Variants in SMIM1 observed in about 807,000 individuals in gnomAD.
SMIM1 encodes the protein small integral membrane protein 1.
In SMIM1, 7 loss-of-function variants were observed where a neutral mutation model predicts 7.7. The observed-to-expected ratio is 0.91, with a 90% CI of 0.52 to 1.71. The LOEUF (loss-of-function observed/expected upper bound fraction) is 1.71. SMIM1 is among the 40% of genes most tolerant of loss of function. The pLI is 0.00. For synonymous variants in SMIM1, 41 were observed against 42.7 expected (o/e 0.96, Z 0.16); for missense variants, 95 against 102.8 (o/e 0.92, Z 0.33).
In SMIM1 at chr1:3,775,029, G is replaced by A. The variant is rs1239302317; in HGVS notation, c.-75-270G>A. On this transcript the variant is annotated intron_variant, in intron 2 of 3. Transcript: ENST00000642557. This position sits in a 1 kb window ranked among gnomAD's most constrained non-coding sequence, Gnocchi z 5.3. Reference sequence around the variant, plus strand: ...GTGCAGGCTCCCTGATAAAAGCACCGGGGAAGGGAGGCTCCTGGAGTGTGC... The same window carrying A: ...GTGCAGGCTCCCTGATAAAAGCACCAGGGAAGGGAGGCTCCTGGAGTGTGC... 6.6e-6 allele frequency among the ~76,000 whole-genome samples: 1 copy of A among 152,114 alleles called. No individual in the cohort carries two copies. The highest frequency in any genetic ancestry group is 1.5e-5 in the Non-Finnish European group (1 of 68,006).
intron 2 of SMIM1, among the ~76,000 whole-genome samples, chr1:3,774,355 C>A (rs1438213052): frequency 6.6e-6 from 1 of 152,142 alleles, no homozygotes; most frequent in Non-Finnish European, 1.5e-5. Flanking sequence ...TCCACCCCCA[C>A]ACCCCCTTAG....
At chr1:3,773,760 A>T (rs934022495) in intron 2 of SMIM1, among the ~76,000 whole-genome samples, 5 of 152,096 alleles carry the variant, frequency 3.3e-5, no homozygotes, top group African/African-American at 4.8e-5. Flanking sequence ...GGTGGTATTA[A>T]GCTTGTCTTA....
At chr1:3,774,871 C>CA (rs143702418) in intron 2 of SMIM1, among the ~76,000 whole-genome samples, 1 of 93,270 alleles carries the variant, frequency 1.1e-5, no homozygotes, top group African/African-American at 4.2e-5. Flanking sequence ...CCTGCCCCAC[C>CA]CCCCCCTCCC....
Position 3,775,437 on chromosome 1 carries a change from A to G in SMIM1, c.64A>G (p.Ser22Gly). 1 of 1,511,986 alleles carries G rather than the reference A, an allele frequency of 6.6e-7. No homozygotes were observed. Among genetic ancestry groups the G allele is most frequent in the Non-Finnish European group, 9.0e-7 (1 of 1,112,602 alleles). The allele number at this position is 1,511,986 out of a possible 1,614,324, so 93.7% of individuals were successfully genotyped here. The change falls in exon 3 of 4, where the codon AGC becomes GGC. Residue 22 changes from serine (S) to glycine (G), a missense_variant. By Grantham distance (56) the Ser-to-Gly change is moderately conservative. Coordinates refer to ENST00000642557, the MANE Select transcript of SMIM1 (RefSeq NM_001288583.2). This position sits in a 1 kb window ranked among gnomAD's most constrained non-coding sequence, Gnocchi z 5.3. ...RWEDGSRDGV[S>G]LGAVSSTEEA... ...GGAGGACGGCAGCAGGGACGGAGTC[A>G]GCCTAGGGGCTGTGTCCAGCACAGA...
chr1:3,773,775 G>T (rs1435870698), intron 2 of SMIM1, among the ~76,000 whole-genome samples: 2 of 152,172 alleles, frequency 1.3e-5, no homozygotes, highest in Non-Finnish European at 2.9e-5. Context: ...GTCTTACCCG[G>T]GTCATGGCTG....
intron 2 of SMIM1, among the ~76,000 whole-genome samples, chr1:3,774,708 C>G (rs1462631405): frequency 6.6e-6 from 1 of 152,168 alleles, no homozygotes; most frequent in Non-Finnish European, 1.5e-5. Context: ...TCATGCCCCC[C>G]AAGCCCCAGC....
Position 3,775,651 on chromosome 1 carries a change from G to A in SMIM1, c.111-144G>A. The A allele has an allele frequency of 3.0e-6, 4 of 1,344,710 alleles. No homozygotes were observed. The highest frequency in any genetic ancestry group is 4.0e-6 in the Non-Finnish European group (4 of 1,009,580). The allele number at this position is 1,344,710 out of a possible 1,614,324, so 83.3% of individuals were successfully genotyped here. On this transcript the variant is annotated intron_variant, in intron 3 of 3. Transcript: ENST00000642557. This position sits in a 1 kb window ranked among gnomAD's most constrained non-coding sequence, Gnocchi z 5.3. ...CAGCCTTTGGCCTTCCCTCTGGTTG[G>A]CTGTGGGCGGGGAGAGCTTCCTCTT...
Position 3,775,743 on chromosome 1 carries a change from C to A in SMIM1, c.111-52C>A, listed in dbSNP as rs1406193133. On this transcript the variant is annotated intron_variant, in intron 3 of 3. Coordinates refer to ENST00000642557, the MANE Select transcript of SMIM1 (RefSeq NM_001288583.2). This position sits in a 1 kb window ranked among gnomAD's most constrained non-coding sequence, Gnocchi z 5.3. ...CAACGGCCACAGTCCACTTAGGGGG[C>A]CCCTCATGCGGCCCTGGCCTGGGGC... The A allele has an allele frequency of 3.3e-6, 5 of 1,527,890 alleles. No homozygotes were observed. The Admixed American group carries it at 6.1e-5, about 19-fold the overall frequency. 94.6% of individuals were successfully genotyped at this position (1,527,890 alleles called of 1,614,324 possible).
At position 3,775,384 on chromosome 1, in the gene SMIM1, A is replaced by G; in HGVS notation, c.11A>G (p.Gln4Arg). Residue 4 changes from glutamine to arginine, a missense_variant, in exon 3 of 4, where the codon CAG becomes CGG. By Grantham distance (43) the Gln-to-Arg change is conservative. Transcript: ENST00000642557. This position sits in a 1 kb window ranked among gnomAD's most constrained non-coding sequence, Gnocchi z 5.3. MQPQESHVHYSRWE... is the reference protein window; with the variant it reads MQPRESHVHYSRWE... The stretch of plus-strand genomic sequence containing the variant: ...CTGCAGCCCCACAGCATGCAGCCCC[A>G]GGAGAGCCACGTCCACTATAGTAGG... The G allele has an allele frequency of 6.5e-7, 1 of 1,549,354 alleles. No individual in the cohort carries two copies. The highest frequency in any genetic ancestry group is 8.7e-7 in the Non-Finnish European group (1 of 1,146,386).
At chr1:3,773,601 GC>G (rs1643414646) in intron 2 of SMIM1, among the ~76,000 whole-genome samples, 1 of 152,156 alleles carries the variant, frequency 6.6e-6, no homozygotes, top group Non-Finnish European at 1.5e-5. Flanking sequence ...GGGTTGCAAG[GC>G]GGCTGCTGCA....
At position 3,775,653 on chromosome 1, in the gene SMIM1, TG is replaced by T; in HGVS notation, c.111-141del. ...GCCTTTGGCCTTCCCTCTGGTTGGC[TG>T]TGGGCGGGGAGAGCTTCCTCTTGAC... On this transcript the variant is annotated intron_variant, in intron 3 of 3. Coordinates refer to ENST00000642557, the MANE Select transcript of SMIM1 (RefSeq NM_001288583.2). The surrounding 1 kb of genome is among the most constrained non-coding windows in gnomAD (Gnocchi z 5.3). The T allele has an allele frequency of 7.4e-7, 1 of 1,350,348 alleles. No individual in the cohort carries two copies. Among genetic ancestry groups the T allele is most frequent in the Non-Finnish European group, 9.9e-7 (1 of 1,014,610 alleles). The allele number at this position is 1,350,348 out of a possible 1,614,324, so 83.6% of individuals were successfully genotyped here.
rs1643445379 is a variant in SMIM1, at chr1:3,775,529, T to C, written c.110+46T>C. On this transcript the variant is annotated intron_variant, in intron 3 of 3. Coordinates refer to ENST00000642557, the MANE Select transcript of SMIM1 (RefSeq NM_001288583.2). This position sits in a 1 kb window ranked among gnomAD's most constrained non-coding sequence, Gnocchi z 5.3. ...CTGCCAGCCATAGCAGGCTGGTGTC[T>C]CCCTCCAGAGACGCCTGCCCTAACC... The C allele has an allele frequency of 1.3e-6, 2 of 1,502,480 alleles. No homozygotes were observed. Among genetic ancestry groups the C allele is most frequent in the Non-Finnish European group, 1.8e-6 (2 of 1,109,144 alleles). The allele number at this position is 1,502,480 out of a possible 1,614,324, so 93.1% of individuals were successfully genotyped here.
In SMIM1 at chr1:3,775,309, G is replaced by A. The variant is rs1643441151; in HGVS notation, c.-65G>A. Reference sequence around the variant, plus strand: ...CCGCTTGTTTTACAGTGAAGCCACAGCCTGGCCACCTGTCTTGATCTCCCC... The same window carrying A: ...CCGCTTGTTTTACAGTGAAGCCACAACCTGGCCACCTGTCTTGATCTCCCC... On this transcript the variant is annotated 5_prime_UTR_variant, in exon 3 of 4. Coordinates refer to ENST00000642557, the MANE Select transcript of SMIM1 (RefSeq NM_001288583.2). This position sits in a 1 kb window ranked among gnomAD's most constrained non-coding sequence, Gnocchi z 5.3. 2 of 1,292,762 alleles carry A rather than the reference G, an allele frequency of 1.5e-6. No individual in the cohort carries two copies. The highest frequency in any genetic ancestry group is 1.3e-5 in the South Asian group (1 of 75,396). The allele number at this position is 1,292,762 out of a possible 1,614,324, so 80.1% of individuals were successfully genotyped here.
At position 3,775,738 on chromosome 1, in the gene SMIM1, G is replaced by C. The variant is rs1011051260; in HGVS notation, c.111-57G>C. The C allele has an allele frequency of 2.0e-5, 30 of 1,525,344 alleles. No individual in the cohort carries two copies. The African/African-American group carries it at 3.8e-4, about 20-fold the overall frequency. The allele number at this position is 1,525,344 out of a possible 1,614,324, so 94.5% of individuals were successfully genotyped here. On this transcript the variant is annotated intron_variant, in intron 3 of 3. Coordinates refer to ENST00000642557, the MANE Select transcript of SMIM1 (RefSeq NM_001288583.2). The surrounding 1 kb of genome is among the most constrained non-coding windows in gnomAD (Gnocchi z 5.3). ...CAGACCAACGGCCACAGTCCACTTA[G>C]GGGGCCCCTCATGCGGCCCTGGCCT... is the stretch of plus-strand genomic sequence containing the variant.
Position 3,775,218 on chromosome 1 carries a change from C to T in SMIM1, c.-75-81C>T, listed in dbSNP as rs1477403823. On this transcript the variant is annotated intron_variant, in intron 2 of 3. Coordinates refer to ENST00000642557, the MANE Select transcript of SMIM1 (RefSeq NM_001288583.2). The surrounding 1 kb of genome is among the most constrained non-coding windows in gnomAD (Gnocchi z 5.3). The stretch of plus-strand genomic sequence containing the variant: ...GCGACAGACCCGGTGAGGGAGTCAG[C>T]CCCCGACCCTTAGTGCCCCTCTCCT... 1.2e-5 allele frequency: 7 copies of T among 568,820 alleles called. No individual in the cohort carries two copies. In the East Asian group the frequency reaches 2.1e-4, roughly 17 times the overall value. 35.2% of individuals were successfully genotyped at this position (568,820 alleles called of 1,614,324 possible). A position where few individuals can be genotyped will look rare whatever the true frequency, so the allele number is the denominator to read the frequency against.
Position 3,775,888 on chromosome 1 carries a change from C to T in SMIM1, c.204C>T (p.Tyr68=). The change falls in exon 4 of 4, where the codon TAC becomes TAT. Residue 68 remains tyrosine, a synonymous_variant. Coordinates refer to ENST00000642557, the MANE Select transcript of SMIM1 (RefSeq NM_001288583.2). This position sits in a 1 kb window ranked among gnomAD's most constrained non-coding sequence, Gnocchi z 5.3. ...TCTGGATCATCTTCATCCTGGGCTA[C>T]CTCACAGGCTACTATGTGCACAAGT... The part of the protein sequence containing the change: ...ALFWIIFILG[Y]LTGYYVHKCK The T allele has an allele frequency of 6.4e-7, 1 of 1,550,782 alleles. No individual in the cohort carries two copies. Among genetic ancestry groups the T allele is most frequent in the Non-Finnish European group, 8.7e-7 (1 of 1,146,924 alleles).
Position 3,775,592 on chromosome 1 carries a change from C to G in SMIM1, c.110+109C>G. 1 of 1,288,368 alleles carries G rather than the reference C, an allele frequency of 7.8e-7. No individual in the cohort carries two copies. 79.8% of individuals were successfully genotyped at this position (1,288,368 alleles called of 1,614,324 possible). A position where few individuals can be genotyped will look rare whatever the true frequency, so the allele number is the denominator to read the frequency against. On this transcript the variant is annotated intron_variant, in intron 3 of 3. Coordinates refer to ENST00000642557, the MANE Select transcript of SMIM1 (RefSeq NM_001288583.2). This position sits in a 1 kb window ranked among gnomAD's most constrained non-coding sequence, Gnocchi z 5.3. ...CCCATCACCCTCCACCCCATCCTGG[C>G]TGGGAGCCCACGGTCCAGCAGCTCA...
chr1:3,775,636 C>T lies in SMIM1; in HGVS notation c.110+153C>T. On this transcript the variant is annotated intron_variant, in intron 3 of 3. Coordinates refer to ENST00000642557, the MANE Select transcript of SMIM1 (RefSeq NM_001288583.2). This position sits in a 1 kb window ranked among gnomAD's most constrained non-coding sequence, Gnocchi z 5.3. Reference sequence around the variant, plus strand: ...CAGCTCAGCAAACCGCAGCCTTTGGCCTTCCCTCTGGTTGGCTGTGGGCGG... The same window carrying T: ...CAGCTCAGCAAACCGCAGCCTTTGGTCTTCCCTCTGGTTGGCTGTGGGCGG... 1 of 1,311,112 alleles carries T rather than the reference C, an allele frequency of 7.6e-7. No homozygotes were observed. Among genetic ancestry groups the T allele is most frequent in the Non-Finnish European group, 1.0e-6 (1 of 978,168 alleles). The allele number at this position is 1,311,112 out of a possible 1,614,324, so 81.2% of individuals were successfully genotyped here. A position where few individuals can be genotyped will look rare whatever the true frequency, so the allele number is the denominator to read the frequency against.
Position 3,773,718 on chromosome 1 carries a change from A to T in SMIM1, c.-76+537A>T, listed in dbSNP as rs116031582. ...TCCCCTGCTGCACCCTGGCTCCTGG[A>T]CCCCAGCTGGGTGACTTGGGAAAGC... On this transcript the variant is annotated intron_variant, in intron 2 of 3. Coordinates refer to ENST00000642557, the MANE Select transcript of SMIM1 (RefSeq NM_001288583.2). Among the ~76,000 whole-genome samples the T allele has an allele frequency of 4.4e-3, 674 of 152,080 alleles. 1 individual carries two copies. The highest frequency in any genetic ancestry group is 0.016 in the African/African-American group (646 of 41,484).
Sources: gnomAD v4.1 joint callset for allele counts (sites outside exome capture counted in the v4.1 genomes callset) on GRCh38, gnomAD v4.1.1 for gene constraint, Gnocchi (gnomAD v3.1) non-coding constraint, MANE v1.5 for transcripts, NCBI Gene and HGNC (gene_info 2026-07-23, HGNC 2026-07-21) for gene names.